NREP: variants seen among roughly 807,000 people sequenced by gnomAD.
The protein encoded by NREP is neuronal regeneration-related protein.
NREP carries 5 observed loss-of-function variants against 8.6 expected under a neutral mutation model. The observed-to-expected ratio is 0.58, with a 90% CI of 0.30 to 1.22. NREP has a LOEUF of 1.22. Among genes scored for constraint, NREP ranks in the 50% most tolerant of loss-of-function variants. The pLI, the probability that NREP is intolerant of heterozygous loss-of-function variation, is 0.07. For synonymous variants in NREP, 27 were observed against 28.0 expected, an observed-to-expected ratio of 0.96 and a Z score of 0.11; for missense variants, 86 against 82.5, an observed-to-expected ratio of 1.04 and a Z score of -0.17.
chr5:111,887,606 G>T (rs1439318649), intron 2 of NREP, among the ~76,000 whole-genome samples: 3 of 152,136 alleles, frequency 2.0e-5, no homozygotes, highest in Non-Finnish European at 4.4e-5. Flanking sequence ...TATAAAGAAT[G>T]GAAAAGAGGA....
At chr5:111,937,905 G>T (rs1326491885) in intron 2 of NREP, among the ~76,000 whole-genome samples, 2 of 152,020 alleles carry the variant, frequency 1.3e-5, no homozygotes, top group African/African-American at 4.8e-5. Context: ...GGCCAAAGCT[G>T]ACCTCCAACT....
intron 2 of NREP, among the ~76,000 whole-genome samples, chr5:111,809,959 G>A (rs1198638882): frequency 6.6e-6 from 1 of 150,516 alleles, no homozygotes; most frequent in Non-Finnish European, 1.5e-5. Context: ...CTCTAGACTA[G>A]CTAGATTCTG....
At position 111,730,539 on chromosome 5, in the gene NREP, TG is replaced by T. The variant is rs58353090; in HGVS notation, c.*381del. ...TGTTACATCTAAATGAAAAAAAAGG[TG>T]GGGGGGGGACTCTCAGCCTCTGCAA... On this transcript the variant is annotated 3_prime_UTR_variant, in exon 4 of 4. Transcript: ENST00000257435. 59 of 151,986 alleles carry T rather than the reference TG, an allele frequency of 3.9e-4. 1 individual carries two copies. The highest frequency in any genetic ancestry group is 6.3e-4 in the South Asian group (3 of 4,790). The allele number at this position is 151,986 out of a possible 1,614,324, so 9.4% of individuals were successfully genotyped here. A position where few individuals can be genotyped will look rare whatever the true frequency, so the allele number is the denominator to read the frequency against.
intron 2 of NREP, among the ~76,000 whole-genome samples, chr5:111,951,131 T>C (rs1456015867): frequency 6.6e-6 from 1 of 152,118 alleles, no homozygotes; most frequent in Non-Finnish European, 1.5e-5. Context: ...TGTATCATGC[T>C]GTATGCATCC....
chr5:111,794,529 C>T lies in NREP; in HGVS notation c.136-59022G>A, dbSNP rs374976297. ...TTAGTTCTTCAACCATGAAAAGACG[C>T]GAAGGAAACTTGCATGCATATTAAT... On this transcript the variant is annotated intron_variant, in intron 2 of 3. Coordinates refer to the NREP transcript ENST00000395634. Among the ~76,000 whole-genome samples the T allele has an allele frequency of 3.4e-3, 515 of 152,114 alleles. 3 individuals are homozygous for T. The highest frequency in any genetic ancestry group is 0.012 in the African/African-American group (484 of 41,502).
intron 2 of NREP, chr5:111,974,396 C>T (rs1200756853): frequency 2.3e-5 from 3 of 128,690 alleles, no homozygotes; most frequent in Non-Finnish European, 3.3e-5. Flanking sequence ...AGCACGGTGA[C>T]ATTAGAACGC....
intron 2 of NREP, among the ~76,000 whole-genome samples, chr5:111,796,858 G>A (rs372443876): frequency 6.6e-6 from 1 of 152,130 alleles, no homozygotes; most frequent in South Asian, 2.1e-4. Flanking sequence ...TACCTTGCAT[G>A]AAACCATTAA....
intron 2 of NREP, among the ~76,000 whole-genome samples, chr5:111,749,737 G>C (rs1750234882): frequency 6.6e-6 from 1 of 152,174 alleles, no homozygotes; most frequent in Non-Finnish European, 1.5e-5. Flanking sequence ...TTGCAAGGCA[G>C]CAACATACTC....
intron 2 of NREP, among the ~76,000 whole-genome samples, chr5:111,765,271 G>A (rs1751053466): frequency 6.6e-6 from 1 of 152,140 alleles, no homozygotes; most frequent in Non-Finnish European, 1.5e-5. Flanking sequence ...TGATCTGACA[G>A]GAGGCAGAGC....
chr5:111,871,537 A>C (rs1753790996), intron 2 of NREP, among the ~76,000 whole-genome samples: 1 of 152,094 alleles, frequency 6.6e-6, no homozygotes, highest in African/African-American at 2.4e-5. Flanking sequence ...TAATACATTA[A>C]TTGTAGCTTA....
chr5:111,769,691 A>G (rs1432895730), intron 2 of NREP, among the ~76,000 whole-genome samples: 1 of 152,232 alleles, frequency 6.6e-6, no homozygotes, highest in Non-Finnish European at 1.5e-5. Context: ...CAATTATAGC[A>G]GAAGGCGAAG....
intron 2 of NREP, among the ~76,000 whole-genome samples, chr5:111,786,106 T>C (rs1751603293): frequency 1.3e-5 from 2 of 152,116 alleles, no homozygotes; most frequent in South Asian, 4.1e-4. Flanking sequence ...GACAGGGAAC[T>C]TAGACAGTTC....
At chr5:111,784,781 A>G (rs945520768) in intron 2 of NREP, among the ~76,000 whole-genome samples, 3 of 152,328 alleles carry the variant, frequency 2.0e-5, no homozygotes, top group East Asian at 3.9e-4. Context: ...GAGAGATTTT[A>G]GGAATATGGA....
Position 111,730,003 on chromosome 5 carries a change from G to GAAAGA in NREP, c.*917_*918insTCTTT, listed in dbSNP as rs764143851. Reference sequence around the variant, plus strand: ...TCCTTTCAAACAGAAAGAACCCAAAGAGACACCTCAAAATGCCTGTAAAAT... The same window carrying GAAAGA: ...TCCTTTCAAACAGAAAGAACCCAAAGAAAGAAGACACCTCAAAATGCCTGTAAAAT... On this transcript the variant is annotated 3_prime_UTR_variant, in exon 4 of 4. Transcript: ENST00000257435. The GAAAGA allele has an allele frequency of 1.3e-5, 2 of 152,220 alleles. No individual in the cohort carries two copies. The highest frequency in any genetic ancestry group is 1.3e-4 in the Admixed American group (2 of 15,232). 9.4% of individuals were successfully genotyped at this position (152,220 alleles called of 1,614,324 possible).
intron 2 of NREP, among the ~76,000 whole-genome samples, chr5:111,922,665 T>C (rs1755278055): frequency 6.6e-6 from 1 of 152,190 alleles, no homozygotes; most frequent in South Asian, 2.1e-4. Flanking sequence ...GAATAATCTT[T>C]GGACACATTG....
At chr5:111,827,886 A>G (rs1161840905) in intron 2 of NREP, among the ~76,000 whole-genome samples, 2 of 152,092 alleles carry the variant, frequency 1.3e-5, no homozygotes, top group Admixed American at 6.6e-5. Context: ...CAAAAAACCT[A>G]TGTACTCTCT....
chr5:111,755,420 CTTTG>C (rs1397602202), intron 2 of NREP: 1 of 276,864 alleles, frequency 3.6e-6, no homozygotes. Flanking sequence ...AGACCCAAGG[CTTTG>C]TTTGAGCCCT....
At chr5:111,842,769 C>A (rs1386142642) in intron 2 of NREP, among the ~76,000 whole-genome samples, 13 of 152,124 alleles carry the variant, frequency 8.5e-5, no homozygotes, top group Admixed American at 8.5e-4. Context: ...TGGTAATGAA[C>A]TCCCACAACT....
At chr5:111,764,030 T>G (rs1456639014) in intron 2 of NREP, among the ~76,000 whole-genome samples, 1 of 152,238 alleles carries the variant, frequency 6.6e-6, no homozygotes, top group Non-Finnish European at 1.5e-5. Flanking sequence ...ACATATCCCC[T>G]GATATGATGC....
Sources: gnomAD v4.1 joint callset for allele counts (sites outside exome capture counted in the v4.1 genomes callset) on GRCh38, gnomAD v4.1.1 for gene constraint, MANE v1.5 for transcripts, NCBI Gene and HGNC (gene_info 2026-07-23, HGNC 2026-07-21) for gene names.